The following CHN1 variants were observed in gnomAD, a reference collection of about 807,000 sequenced individuals.
CHN1 encodes chimerin 1, also known as N-chimaerin.
In CHN1, 37 loss-of-function variants were observed where a neutral mutation model predicts 59.5. The ratio of observed to expected loss-of-function variants is 0.62; its 90% CI spans 0.48 to 0.82. CHN1 has a LOEUF of 0.82. Ranked by LOEUF, CHN1 falls within the 40% of genes least tolerant of loss-of-function variation. The pLI, the probability that CHN1 is intolerant of heterozygous loss-of-function variation, is 0.00. For synonymous variants in CHN1, 206 were observed against 200.4 expected (o/e 1.03, Z -0.24); for missense variants, 469 against 571.0 (o/e 0.82, Z 1.82).
At chr2:174,842,703 A>C (rs1381902092) in intron 7 of CHN1, among the ~76,000 whole-genome samples, 7 of 152,220 alleles carry the variant, frequency 4.6e-5, no homozygotes, top group Non-Finnish European at 8.8e-5. Flanking sequence ...AGTTCACCAG[A>C]CAGCACAGTG....
At chr2:174,814,296 C>CACAAAGACAGGACAAAGAGCTCAATCT (rs1157196547) in intron 8 of CHN1, among the ~76,000 whole-genome samples, 2 of 152,220 alleles carry the variant, frequency 1.3e-5, no homozygotes, top group Non-Finnish European at 2.9e-5. Flanking sequence ...GCTCAATCTA[C>CACAAAGACAGGACAAAGAGCTCAATCT]ACTATCTGAA....
At chr2:174,984,631 T>C (rs1361162479) in intron 1 of CHN1, among the ~76,000 whole-genome samples, 2 of 152,148 alleles carry the variant, frequency 1.3e-5, no homozygotes, top group African/African-American at 4.8e-5. Context: ...CCTCCCAAAG[T>C]CCTGGGATTA....
intron 4 of CHN1, among the ~76,000 whole-genome samples, chr2:174,916,945 A>G (rs572501948): frequency 2.0e-5 from 3 of 152,236 alleles, no homozygotes; most frequent in African/African-American, 4.8e-5. Context: ...TAATGCCAGC[A>G]CTTTGGAAAG....
chr2:174,919,427 AG>A (rs1202539667), intron 3 of CHN1, among the ~76,000 whole-genome samples: 1 of 110,902 alleles, frequency 9.0e-6, no homozygotes. Context: ...GACTGTTCAT[AG>A]GAACAGCAAA....
intron 1 of CHN1, among the ~76,000 whole-genome samples, chr2:174,970,172 T>TA (rs981349657): frequency 3.3e-5 from 5 of 152,060 alleles, no homozygotes; most frequent in African/African-American, 7.2e-5. Context: ...GTCATTCTGT[T>TA]AAAAAAAAGT....
chr2:174,915,890 T>C (rs1345598161), intron 4 of CHN1, among the ~76,000 whole-genome samples: 1 of 152,198 alleles, frequency 6.6e-6, no homozygotes, highest in Non-Finnish European at 1.5e-5. Flanking sequence ...CACATTTTTA[T>C]AGCGATTTAC....
intron 6 of CHN1, among the ~76,000 whole-genome samples, chr2:174,862,098 T>C (rs1316496751): frequency 6.6e-6 from 1 of 152,144 alleles, no homozygotes; most frequent in Non-Finnish European, 1.5e-5. Flanking sequence ...AAAATGCATG[T>C]CTTACTAATA....
intron 5 of CHN1, among the ~76,000 whole-genome samples, chr2:174,885,492 AT>A (rs1687870040): frequency 1.3e-5 from 2 of 151,910 alleles, no homozygotes; most frequent in Non-Finnish European, 2.9e-5. Flanking sequence ...TAAATAAGTG[AT>A]ATACAATTTT....
chr2:174,962,596 A>G (rs1336829396), intron 1 of CHN1, among the ~76,000 whole-genome samples: 1 of 142,514 alleles, frequency 7.0e-6, no homozygotes, highest in Non-Finnish European at 1.5e-5. Flanking sequence ...AGCTGCTTAA[A>G]ATATCTTTAT....
intron 1 of CHN1, among the ~76,000 whole-genome samples, chr2:174,983,579 C>T (rs542508813): frequency 1.3e-5 from 2 of 152,038 alleles, no homozygotes; most frequent in South Asian, 4.2e-4. Flanking sequence ...CTTGTAATCC[C>T]AGCACTTTGG....
chr2:174,984,852 T>TC (rs1691286863), intron 1 of CHN1, among the ~76,000 whole-genome samples: 1 of 152,162 alleles, frequency 6.6e-6, no homozygotes, highest in African/African-American at 2.4e-5. Context: ...ACATACAAAA[T>TC]CGTTTTTAAA....
At chr2:174,900,831 T>C (rs1412290603) in intron 5 of CHN1, among the ~76,000 whole-genome samples, 2 of 150,714 alleles carry the variant, frequency 1.3e-5, no homozygotes, top group Non-Finnish European at 3.0e-5. Context: ...AACTATCAAA[T>C]ATCTTGTGGA....
intron 5 of CHN1, among the ~76,000 whole-genome samples, chr2:174,913,028 G>T (rs1688745680): frequency 6.6e-6 from 1 of 152,132 alleles, no homozygotes; most frequent in South Asian, 2.1e-4. Flanking sequence ...GTGCAAGAAG[G>T]CAGGAATGAG....
At chr2:174,801,597 A>G in intron 12 of CHN1, 110 bp downstream of exon 12, 1 of 738,962 alleles carries the variant, frequency 1.4e-6, no homozygotes, top group South Asian at 1.8e-5. Flanking sequence ...ATAGCTATGC[A>G]TTTATTTATT....
chr2:174,943,372 A>G (rs149099991), intron 3 of CHN1, among the ~76,000 whole-genome samples: 8,137 of 151,778 alleles, frequency 0.054, 791 homozygotes, highest in African/African-American at 0.19. Flanking sequence ...GATTACAGGC[A>G]CCTGCCACCA....
chr2:174,841,728 A>G (rs1190568799), intron 7 of CHN1, among the ~76,000 whole-genome samples: 1 of 152,182 alleles, frequency 6.6e-6, no homozygotes, highest in Non-Finnish European at 1.5e-5. Flanking sequence ...ATTTAAAGGA[A>G]TAATTCACAT....
chr2:174,879,757 A>G (rs966542229), intron 5 of CHN1, among the ~76,000 whole-genome samples: 5 of 152,190 alleles, frequency 3.3e-5, no homozygotes, highest in African/African-American at 1.2e-4. Flanking sequence ...TATCAGACAC[A>G]TTTCAATGAG....
rs915700421 is a variant in CHN1, at chr2:175,005,008, A to C, written c.-96T>G. 83 of 1,467,856 alleles carry C rather than the reference A, an allele frequency of 5.7e-5. No individual in the cohort carries two copies. Among genetic ancestry groups the C allele is most frequent in the Non-Finnish European group, 6.6e-5 (73 of 1,107,322 alleles). The allele number at this position is 1,467,856 out of a possible 1,614,324, so 90.9% of individuals were successfully genotyped here. ...CCCGCCGCACCCACACCTCGGAGAGAGTGGGGTGCCCGATGGGGCGTGCTG... is the reference window on the plus strand; with the variant it reads ...CCCGCCGCACCCACACCTCGGAGAGCGTGGGGTGCCCGATGGGGCGTGCTG... On this transcript the variant is annotated 5_prime_UTR_variant, in exon 1 of 13. Transcript: ENST00000409900.
intron 7 of CHN1, among the ~76,000 whole-genome samples, chr2:174,834,844 G>A (rs1686019207): frequency 6.6e-6 from 1 of 152,204 alleles, no homozygotes; most frequent in South Asian, 2.1e-4. Context: ...TCTTGAGTGT[G>A]AGTATGCACA....
Sources: allele counts gnomAD v4.1 joint callset (sites outside exome capture counted in the v4.1 genomes callset), GRCh38; gene constraint gnomAD v4.1.1; transcripts MANE v1.5; gene names NCBI Gene and HGNC (gene_info 2026-07-23, HGNC 2026-07-21).